Variants in LARGE1 observed in about 807,000 individuals in gnomAD.
LARGE1 encodes the protein LARGE xylosyl- and glucuronyltransferase 1, also known as xylosyl- and glucuronyltransferase LARGE1.
A neutral mutation model predicts 87.6 loss-of-function variants in LARGE1; 43 were observed. The observed-to-expected ratio is 0.49, with a 90% CI of 0.38 to 0.63. The LOEUF is 0.63. Ranked by LOEUF, LARGE1 falls within the 30% of genes least tolerant of loss-of-function variation. The pLI, the probability that LARGE1 is intolerant of heterozygous loss-of-function variation, is 0.00. For synonymous variants in LARGE1, 434 were observed against 394.6 expected, an observed-to-expected ratio of 1.10 and a Z score of -1.18; for missense variants, 802 against 1,000.2, an observed-to-expected ratio of 0.80 and a Z score of 2.67.
intron 1 of LARGE1, among the ~76,000 whole-genome samples, chr22:33,796,290 G>A (rs1368722544): frequency 6.6e-6 from 1 of 152,156 alleles, no homozygotes; most frequent in East Asian, 1.9e-4. Context: ...CTTTTTCTAA[G>A]AGTTGGTTTC....
At chr22:33,725,241 C>G (rs1872564758) in intron 2 of LARGE1, 2 of 152,624 alleles carry the variant, frequency 1.3e-5, no homozygotes, top group African/African-American at 4.8e-5. Flanking sequence ...TGACACCCTT[C>G]TGCTACTGCA....
chr22:33,809,218 G>A (rs976217799), intron 1 of LARGE1, among the ~76,000 whole-genome samples: 3 of 151,530 alleles, frequency 2.0e-5, no homozygotes, highest in Non-Finnish European at 4.4e-5. Flanking sequence ...GCTGCGGTGA[G>A]CCGAGATTGC....
At chr22:33,449,852 G>A (rs116317009) in intron 6 of LARGE1, among the ~76,000 whole-genome samples, 1,560 of 152,094 alleles carry the variant, frequency 0.01, 22 homozygotes, top group African/African-American at 0.035. Context: ...AGAAGACTGC[G>A]TCCCTCATGT....
At chr22:33,249,395 T>G (rs1168062046) in intron 11 of LARGE1, among the ~76,000 whole-genome samples, 1 of 152,244 alleles carries the variant, frequency 6.6e-6, no homozygotes, top group East Asian at 1.9e-4. Context: ...TTGCTTTTTT[T>G]CTTATTGCTG....
At chr22:33,395,344 A>G (rs1450708889) in intron 7 of LARGE1, among the ~76,000 whole-genome samples, 2 of 152,022 alleles carry the variant, frequency 1.3e-5, no homozygotes, top group African/African-American at 4.8e-5. Flanking sequence ...ATAGTGGGTA[A>G]CCGGATGGAG....
intron 6 of LARGE1, among the ~76,000 whole-genome samples, chr22:33,467,890 A>C (rs1318699248): frequency 6.6e-6 from 1 of 152,186 alleles, no homozygotes; most frequent in Non-Finnish European, 1.5e-5. Flanking sequence ...GGCAGAGCTC[A>C]GTCTACCTTA....
At chr22:33,717,249 T>A (rs1184185886) in intron 2 of LARGE1, among the ~76,000 whole-genome samples, 1 of 152,174 alleles carries the variant, frequency 6.6e-6, no homozygotes, top group Non-Finnish European at 1.5e-5. Context: ...ATGTATTTAT[T>A]GATTCATTTT....
At chr22:33,642,062 C>T (rs2080451605) in intron 3 of LARGE1, among the ~76,000 whole-genome samples, 1 of 152,074 alleles carries the variant, frequency 6.6e-6, no homozygotes, top group East Asian at 1.9e-4. Flanking sequence ...AGAAAGGCAA[C>T]CCCAAGACAC....
intron 2 of LARGE1, among the ~76,000 whole-genome samples, chr22:33,759,845 T>A (rs997249510): frequency 6.6e-6 from 1 of 152,046 alleles, no homozygotes; most frequent in Non-Finnish European, 1.5e-5. Context: ...AAACTTCCCA[T>A]CCACTGCCAT....
At chr22:33,104,007 G>A in the LARGE1 span, among the ~76,000 whole-genome samples, 1 of 152,184 alleles carries the variant, frequency 6.6e-6, no homozygotes, top group African/African-American at 2.4e-5. Context: ...GGAACCGTGA[G>A]TCCATTAAAC....
chr22:33,389,217 G>A lies in LARGE1; in HGVS notation c.893-4913C>T, dbSNP rs139895043. The stretch of plus-strand genomic sequence containing the variant: ...CAATAGCAGGCTTAGGCAAATGCCA[G>A]GACAGACGCCTGAACACACGCACAG... On this transcript the variant is annotated intron_variant, in intron 7 of 14. Coordinates refer to ENST00000397394, the MANE Select transcript of LARGE1 (RefSeq NM_133642.5). Among the ~76,000 whole-genome samples the A allele has an allele frequency of 5.3e-4, 81 of 152,382 alleles. 1 individual carries two copies. Among genetic ancestry groups the A allele is most frequent in the African/African-American group, 1.9e-3 (81 of 41,594 alleles).
intron 9 of LARGE1, among the ~76,000 whole-genome samples, chr22:33,346,567 T>A (rs553228993): frequency 6.2e-4 from 94 of 152,256 alleles, no homozygotes; most frequent in African/African-American, 2.1e-3. Flanking sequence ...CCTCCTAAAG[T>A]GCTGGGATTA....
intron 5 of LARGE1, among the ~76,000 whole-genome samples, chr22:33,584,675 G>GAA (rs71187271): frequency 0.05 from 7,315 of 146,500 alleles, 594 homozygotes; most frequent in African/African-American, 0.17. Context: ...CTGTGCTACT[G>GAA]AAAAAAAAAA....
intron 6 of LARGE1, among the ~76,000 whole-genome samples, chr22:33,453,508 G>C (rs1323226387): frequency 6.6e-6 from 1 of 152,144 alleles, no homozygotes; most frequent in Non-Finnish European, 1.5e-5. Context: ...TACCACCACT[G>C]GTGGTGAGAG....
At chr22:33,622,384 A>G in intron 4 of LARGE1, among the ~76,000 whole-genome samples, 1 of 152,092 alleles carries the variant, frequency 6.6e-6, no homozygotes, top group Non-Finnish European at 1.5e-5. Context: ...ACCTTCCGCC[A>G]TGATTATAAG....
At chr22:33,268,177 C>T (rs1928053543), downstream of LARGE1, among the ~76,000 whole-genome samples, 1 of 151,310 alleles carries the variant, frequency 6.6e-6, no homozygotes, top group African/African-American at 2.5e-5. Context: ...TGGTCTGGAA[C>T]ACCTGGCCTC....
At chr22:33,869,208 T>A (rs961514394) in intron 1 of LARGE1, among the ~76,000 whole-genome samples, 2 of 152,126 alleles carry the variant, frequency 1.3e-5, no homozygotes, top group Non-Finnish European at 2.9e-5. Flanking sequence ...TGCATCCTCC[T>A]CTTGTCTGTC....
intron 11 of LARGE1, among the ~76,000 whole-genome samples, chr22:33,211,779 A>G (rs987289213): frequency 8.5e-5 from 13 of 152,162 alleles, no homozygotes; most frequent in Admixed American, 2.6e-4. Flanking sequence ...TCTCAAAGAA[A>G]AAAAAGTGCT....
chr22:33,298,798 T>G (rs2146086571), intron 12 of LARGE1, among the ~76,000 whole-genome samples: 1 of 151,360 alleles, frequency 6.6e-6, no homozygotes, highest in South Asian at 2.1e-4. Context: ...ACCACTGCAC[T>G]CCAGCCTGGG....
Sources: allele counts gnomAD v4.1 joint callset (sites outside exome capture counted in the v4.1 genomes callset), GRCh38; gene constraint gnomAD v4.1.1; transcripts MANE v1.5; gene names NCBI Gene and HGNC (gene_info 2026-07-23, HGNC 2026-07-21).